Variants in RTN4 observed in about 807,000 individuals in gnomAD.
RTN4 encodes reticulon-4.
A neutral mutation model predicts 90.4 loss-of-function variants in RTN4; 32 were observed. The ratio of observed to expected loss-of-function variants is 0.35; its 90% confidence interval spans 0.27 to 0.48. The LOEUF is 0.48. RTN4 is among the 20% of genes least tolerant of loss of function. The pLI is 0.99. For missense variants in RTN4, 1,706 were observed against 1,430.2 expected (o/e 1.19, Z -3.11); for synonymous variants, 629 against 552.5 (o/e 1.14, Z -1.94).
chr2:55,027,172 T>C lies in RTN4; in HGVS notation c.927A>G (p.Lys309=), dbSNP rs1203713672. Residue 309 remains lysine (K), a synonymous_variant, in exon 3 of 9, where the codon AAA becomes AAG. Coordinates refer to ENST00000337526, the MANE Select transcript of RTN4 (RefSeq NM_020532.5). ...EMGSSFSVSP[K]AESAVIVANP... ...TTGCTACTATTACGGCAGATTCTGC[T>C]TTTGGAGAGACACTGAACGATGATC... 4 of 1,613,696 alleles carry C rather than the reference T, an allele frequency of 2.5e-6. No individual in the cohort carries two copies. The South Asian group carries it at 4.4e-5, about 18-fold the overall frequency.
intron 3 of RTN4, among the ~76,000 whole-genome samples, chr2:55,008,011 A>G: frequency 6.6e-6 from 1 of 152,126 alleles, no homozygotes; most frequent in African/African-American, 2.4e-5. Context: ...CCAGTAATCG[A>G]ATACTATGTA....
chr2:54,995,869 A>C (rs1436666725), intron 3 of RTN4, among the ~76,000 whole-genome samples: 1 of 152,192 alleles, frequency 6.6e-6, no homozygotes, highest in Non-Finnish European at 1.5e-5. Flanking sequence ...CAGTGGCCCC[A>C]GCAAGGAATT....
chr2:55,033,639 A>G (rs891078978), intron 1 of RTN4, among the ~76,000 whole-genome samples: 2 of 152,236 alleles, frequency 1.3e-5, no homozygotes, highest in African/African-American at 2.4e-5. Context: ...CCTTACAGAG[A>G]AAACATATGT....
intron 2 of RTN4, among the ~76,000 whole-genome samples, chr2:55,066,177 GTGTGTGTGTGTGTGTT>G (rs1225847338): frequency 5.3e-5 from 6 of 113,768 alleles, no homozygotes; most frequent in Non-Finnish European, 9.2e-5. Flanking sequence ...ATTTGTGTGT[GTGTGTGTGTGTGTGTT>G]TGTGTGTGTG....
chr2:55,068,682 G>GGT (rs1668436747), intron 2 of RTN4, among the ~76,000 whole-genome samples: 1 of 123,612 alleles, frequency 8.1e-6, no homozygotes, highest in African/African-American at 3.0e-5. Context: ...AAAAAAAGGG[G>GGT]GGGGGGTGGG....
intron 2 of RTN4, among the ~76,000 whole-genome samples, chr2:55,076,830 T>C (rs1268013081): frequency 6.6e-6 from 1 of 152,164 alleles, no homozygotes; most frequent in Admixed American, 6.5e-5. Context: ...CAAGATCTGA[T>C]GGTTTTAAAA....
intron 4 of RTN4, among the ~76,000 whole-genome samples, chr2:54,984,897 G>T (rs953652641): frequency 6.6e-6 from 1 of 152,150 alleles, no homozygotes; most frequent in African/African-American, 2.4e-5. Flanking sequence ...CTTGAGTCCA[G>T]GAGTTCGAGA....
At chr2:55,027,542 C>A (rs879799416) in intron 2 of RTN4, 57 bp from the exon 3 acceptor site, 25 of 1,526,614 alleles carry the variant, frequency 1.6e-5, no homozygotes, top group Admixed American at 2.2e-5. Context: ...AGAGTTAATG[C>A]AAGTTTTATG....
the RTN4 span, among the ~76,000 whole-genome samples, chr2:55,118,859 C>T: frequency 2.0e-5 from 3 of 152,214 alleles, no homozygotes; most frequent in South Asian, 6.2e-4. Context: ...GGGTCCCTGA[C>T]AATTTATCAG....
At chr2:55,091,144 C>T (rs1428976635) in intron 1 of RTN4, among the ~76,000 whole-genome samples, 4 of 152,198 alleles carry the variant, frequency 2.6e-5, no homozygotes, top group African/African-American at 9.7e-5. Context: ...TGGTAGCAGC[C>T]AGAAAGGGGT....
the RTN4 span, among the ~76,000 whole-genome samples, chr2:55,132,810 T>G: frequency 2.5e-5 from 1 of 40,314 alleles, no homozygotes; most frequent in Non-Finnish European, 4.8e-5. Flanking sequence ...TGAGACCGTC[T>G]CTCAAAAAAA....
At chr2:55,021,694 G>C (rs1169072766) in intron 3 of RTN4, among the ~76,000 whole-genome samples, 2 of 152,058 alleles carry the variant, frequency 1.3e-5, no homozygotes, top group East Asian at 1.9e-4. Flanking sequence ...GCAAGGACTT[G>C]AGCTAATCCA....
intron 1 of RTN4, among the ~76,000 whole-genome samples, chr2:55,035,018 T>C (rs1212048010): frequency 6.6e-6 from 1 of 152,094 alleles, no homozygotes; most frequent in African/African-American, 2.4e-5. Flanking sequence ...ACAGAGGAGA[T>C]AAATCTGAAT....
At chr2:55,125,623 G>A in the RTN4 span, among the ~76,000 whole-genome samples, 1 of 152,102 alleles carries the variant, frequency 6.6e-6, no homozygotes, top group Non-Finnish European at 1.5e-5. Context: ...AAAATTAGGT[G>A]GGCACGGTGG....
chr2:55,007,706 C>T (rs1260454504), intron 3 of RTN4, among the ~76,000 whole-genome samples: 1 of 152,048 alleles, frequency 6.6e-6, no homozygotes, highest in Non-Finnish European at 1.5e-5. Context: ...GGTCACGACC[C>T]AAGGAATCTG....
intron 4 of RTN4, among the ~76,000 whole-genome samples, chr2:54,984,848 G>A (rs1056621984): frequency 1.2e-4 from 18 of 152,192 alleles, no homozygotes; most frequent in African/African-American, 4.3e-4. Flanking sequence ...GTGCATGCCT[G>A]TAGTCCCAGC....
intron 4 of RTN4, among the ~76,000 whole-genome samples, 164 bp downstream of exon 4, chr2:54,987,327 G>C (rs535596406): frequency 6.6e-6 from 1 of 152,284 alleles, no homozygotes; most frequent in African/African-American, 2.4e-5. Flanking sequence ...ACGACTTTTA[G>C]AAAATCTCAA....
At chr2:55,055,949 G>A (rs889744845) in intron 2 of RTN4, among the ~76,000 whole-genome samples, 3 of 149,862 alleles carry the variant, frequency 2.0e-5, no homozygotes, top group Non-Finnish European at 3.0e-5. Flanking sequence ...ATATGTAGAT[G>A]ATATAGATTT....
intron 1 of RTN4, among the ~76,000 whole-genome samples, chr2:55,110,685 T>C (rs1236512318): frequency 6.6e-6 from 1 of 152,122 alleles, no homozygotes; most frequent in Admixed American, 6.6e-5. Context: ...ATGTCAAGGG[T>C]GTTTACTCCA....
Sources: allele counts gnomAD v4.1 joint callset (sites outside exome capture counted in the v4.1 genomes callset), GRCh38; gene constraint gnomAD v4.1.1; transcripts MANE v1.5; gene names NCBI Gene and HGNC (gene_info 2026-07-23, HGNC 2026-07-21).